The following PHGDH variants were observed in gnomAD, a reference collection of about 807,000 sequenced individuals.
PHGDH encodes the protein D-3-phosphoglycerate dehydrogenase.
Under a neutral mutation model 52.6 loss-of-function variants are expected in PHGDH, and 50 were observed. That is an observed-to-expected ratio of 0.95 (90% CI 0.76 to 1.20). PHGDH has a LOEUF of 1.20. Ranked by LOEUF, PHGDH falls within the 50% of genes most tolerant of loss-of-function variation. The pLI, the probability that PHGDH is intolerant of heterozygous loss-of-function variation, is 0.00. For missense variants in PHGDH, 630 were observed against 684.6 expected, an observed-to-expected ratio of 0.92 and a Z score of 0.89; for synonymous variants, 271 against 280.5, an observed-to-expected ratio of 0.97 and a Z score of 0.34.
intron 5 of PHGDH, among the ~76,000 whole-genome samples, chr1:119,731,752 C>T (rs770588737): frequency 1.3e-5 from 2 of 152,202 alleles, no homozygotes; most frequent in Non-Finnish European, 2.9e-5. Flanking sequence ...GCATTCTTTG[C>T]CCAGTACCAC....
chr1:119,744,201 A>G lies in PHGDH; in HGVS notation c.*161A>G. ...TAGTACAGCAATAACCGTCTAATAAAGAGCCTACCCCCAACTCCTTCTGCA... is the reference window on the plus strand; with the variant it reads ...TAGTACAGCAATAACCGTCTAATAAGGAGCCTACCCCCAACTCCTTCTGCA... On this transcript the variant is annotated 3_prime_UTR_variant, in exon 12 of 12. Coordinates refer to ENST00000641023, the MANE Select transcript of PHGDH (RefSeq NM_006623.4). The G allele has an allele frequency of 4.2e-6, 3 of 717,244 alleles. No homozygotes were observed. The highest frequency in any genetic ancestry group is 2.6e-5 in the East Asian group (1 of 39,052). The allele number at this position is 717,244 out of a possible 1,614,324, so 44.4% of individuals were successfully genotyped here. A position where few individuals can be genotyped will look rare whatever the true frequency, so the allele number is the denominator to read the frequency against.
At chr1:119,735,124 C>A (rs1001086747) in intron 6 of PHGDH, 171 bp from the exon 7 acceptor site, 2 of 836,570 alleles carry the variant, frequency 2.4e-6, no homozygotes, top group African/African-American at 1.7e-5. Context: ...ACAGGGACTC[C>A]TGCCCCAGAG....
At chr1:119,730,851 A>C (rs1205930881) in intron 5 of PHGDH, among the ~76,000 whole-genome samples, 1 of 152,160 alleles carries the variant, frequency 6.6e-6, no homozygotes, top group African/African-American at 2.4e-5. Context: ...ATAGTGCTCC[A>C]CCTTGCCCAC....
chr1:119,740,802 A>AGT (rs761317468), intron 9 of PHGDH, among the ~76,000 whole-genome samples: 4 of 152,136 alleles, frequency 2.6e-5, no homozygotes, highest in Non-Finnish European at 5.9e-5. Flanking sequence ...CGAGAGAGAG[A>AGT]GTTTCATGCG....
chr1:119,717,261 A>AAAAAAAAAAT (rs1650977084), intron 1 of PHGDH, among the ~76,000 whole-genome samples: 1 of 149,376 alleles, frequency 6.7e-6, no homozygotes, highest in Non-Finnish European at 1.5e-5. Flanking sequence ...AAAAAAAAAA[A>AAAAAAAAAAT]GTTGATTTGT....
In PHGDH at chr1:119,742,996, C is replaced by T; in HGVS notation, c.1399C>T (p.Leu467=). The T allele has an allele frequency of 6.2e-7, 1 of 1,613,896 alleles. No individual in the cohort carries two copies. The highest frequency in any genetic ancestry group is 8.5e-7 in the Non-Finnish European group (1 of 1,179,724). The part of the protein sequence containing the change: ...VPLRRDLPLL[L]FRTQTSDPAM... ...TCTCCGCAGGGACCTGCCCCTGCTC[C>T]TATTCCGGACTCAGACCTCTGACCC... is the stretch of plus-strand genomic sequence containing the variant. The change falls in exon 11 of 12, where the codon CTA becomes TTA. Residue 467 remains leucine (L), a synonymous_variant. Transcript: ENST00000641023.
intron 3 of PHGDH, among the ~76,000 whole-genome samples, chr1:119,725,551 C>G (rs1651369658): frequency 6.6e-6 from 1 of 152,164 alleles, no homozygotes; most frequent in Non-Finnish European, 1.5e-5. Flanking sequence ...TGCAGCTTGT[C>G]CCCCATGTGG....
At position 119,737,269 on chromosome 1, in the gene PHGDH, A is replaced by G; in HGVS notation, c.945+3A>G. 2 of 1,611,670 alleles carry G rather than the reference A, an allele frequency of 1.2e-6. No homozygotes were observed. The highest frequency in any genetic ancestry group is 1.7e-6 in the Non-Finnish European group (2 of 1,177,960). ...AGGGGAAATCTCTCACGGGGGTTGT[A>G]AGTATCACCACCTGGGGCTGGGGGC... is the stretch of plus-strand genomic sequence containing the variant. On this transcript the variant is annotated splice_donor_region_variant and intron_variant, in intron 8 of 11. Coordinates refer to ENST00000641023, the MANE Select transcript of PHGDH (RefSeq NM_006623.4).
intron 3 of PHGDH, among the ~76,000 whole-genome samples, chr1:119,725,622 A>G (rs946272012): frequency 1.3e-5 from 2 of 152,236 alleles, no homozygotes; most frequent in African/African-American, 4.8e-5. Context: ...GATGGAGGAC[A>G]GATTCCACCT....
intron 10 of PHGDH, 110 bp downstream of exon 10, chr1:119,742,007 C>T (rs372032270): frequency 6.5e-6 from 6 of 921,728 alleles, no homozygotes; most frequent in African/African-American, 1.6e-5. Context: ...AGCCTTGCAT[C>T]GGCCTGTCTA....
rs991116905 is a variant in PHGDH, at chr1:119,744,077, C to A, written c.*37C>A. On this transcript the variant is annotated 3_prime_UTR_variant, in exon 12 of 12. Transcript: ENST00000641023. ...ACTGGTCCCTGCCTCTGGGGCTTTTCTGAAGAAACCCACCCACTGTGATCA... is the reference window on the plus strand; with the variant it reads ...ACTGGTCCCTGCCTCTGGGGCTTTTATGAAGAAACCCACCCACTGTGATCA... 3 of 1,597,866 alleles carry A rather than the reference C, an allele frequency of 1.9e-6. No individual in the cohort carries two copies. The highest frequency in any genetic ancestry group is 2.7e-5 in the African/African-American group (2 of 74,578).
At chr1:119,722,213 C>G (rs1651199769) in intron 2 of PHGDH, among the ~76,000 whole-genome samples, 1 of 152,190 alleles carries the variant, frequency 6.6e-6, no homozygotes, top group Non-Finnish European at 1.5e-5. Flanking sequence ...CTTGCGCCCC[C>G]ATACAGCCTG....
At chr1:119,735,096 G>A (rs1651873137) in intron 6 of PHGDH, 199 bp from the exon 7 acceptor site, 9 of 720,574 alleles carry the variant, frequency 1.2e-5, no homozygotes, top group South Asian at 1.6e-5. Context: ...TCTAAACTGA[G>A]TCTGGCCCAG....
chr1:119,721,423 T>C (rs150507185), intron 2 of PHGDH, 102 bp downstream of exon 2: 7 of 1,153,488 alleles, frequency 6.1e-6, no homozygotes, highest in African/African-American at 1.5e-5. Context: ...GCTGAGTCCA[T>C]TGGAAGGGCT....
At chr1:119,727,271 T>C in intron 5 of PHGDH, 169 bp downstream of exon 5, 1 of 654,224 alleles carries the variant, frequency 1.5e-6, no homozygotes, top group Non-Finnish European at 2.8e-6. Context: ...ACTGGCCTGC[T>C]GATCTGGACT....
intron 1 of PHGDH, among the ~76,000 whole-genome samples, chr1:119,713,838 C>T (rs891007669): frequency 2.0e-5 from 3 of 152,050 alleles, no homozygotes; most frequent in Non-Finnish European, 4.4e-5. Flanking sequence ...AAATTAGAAA[C>T]CTGATACCCC....
intron 3 of PHGDH, chr1:119,725,005 T>TGTGGGTGGAGAGCAGGC: frequency 2.2e-6 from 1 of 456,638 alleles, no homozygotes; most frequent in South Asian, 1.5e-5. Flanking sequence ...GATTGGGCAA[T>TGTGGGTGGAGAGCAGGC]GTGGGTGGAG....
In PHGDH at chr1:119,741,996, C is replaced by T. The variant is rs1054983944; in HGVS notation, c.1209+99C>T. ...GTTCTCTGAGCGGAGGCCTAGGTCC[C>T]AGCCTTGCATCGGCCTGTCTACCTG... is the stretch of plus-strand genomic sequence containing the variant. On this transcript the variant is annotated intron_variant, in intron 10 of 11. Coordinates refer to ENST00000641023, the MANE Select transcript of PHGDH (RefSeq NM_006623.4). The T allele has an allele frequency of 3.8e-6, 4 of 1,048,458 alleles. No homozygotes were observed. In the African/African-American group the frequency reaches 6.2e-5, roughly 16 times the overall value. The allele number at this position is 1,048,458 out of a possible 1,614,324, so 64.9% of individuals were successfully genotyped here.
chr1:119,726,099 A>C (rs1651396474), intron 3 of PHGDH, among the ~76,000 whole-genome samples: 1 of 151,754 alleles, frequency 6.6e-6, no homozygotes, highest in African/African-American at 2.4e-5. Flanking sequence ...CCTAATTGCC[A>C]CTTCCTCTGT....
Sources: gnomAD v4.1 joint callset for allele counts (sites outside exome capture counted in the v4.1 genomes callset) on GRCh38, gnomAD v4.1.1 for gene constraint, MANE v1.5 for transcripts, NCBI Gene and HGNC (gene_info 2026-07-23, HGNC 2026-07-21) for gene names.